Variants in TXN observed in about 807,000 individuals in gnomAD.
The protein encoded by TXN is ADF.
TXN carries 10 observed loss-of-function variants against 16.5 expected under a neutral mutation model. The ratio of observed to expected loss-of-function variants is 0.61; its 90% CI spans 0.37 to 1.03. The LOEUF (loss-of-function observed/expected upper bound fraction) is 1.03, where lower values mean the gene tolerates loss of function less well. Among genes scored for constraint, TXN ranks in the 50% least tolerant of loss-of-function variants. TXN has a pLI of 0.01. For synonymous variants in TXN, 35 were observed against 39.4 expected (o/e 0.89, Z 0.42); for missense variants, 71 against 122.5 (o/e 0.58, Z 1.98).
chr9:110,248,194 G>T (rs893474202), intron 3 of TXN, among the ~76,000 whole-genome samples: 5 of 145,814 alleles, frequency 3.4e-5, no homozygotes, highest in Non-Finnish European at 7.4e-5. Context: ...GCTGAAAAAA[G>T]AAATTTTAAA....
At position 110,256,484 on chromosome 9, in the gene TXN, A is replaced by G; in HGVS notation, c.-49T>C. On this transcript the variant is annotated 5_prime_UTR_variant, in exon 1 of 5. Transcript: ENST00000374517. This position sits in a 1 kb window ranked among gnomAD's most constrained non-coding sequence, Gnocchi z 4.2. Reference sequence around the variant, plus strand: ...CGGCTGTAAGGACCGATGGAAATGGATCCAAAGCACCAAACAGAGCTTCAA... The same window carrying G: ...CGGCTGTAAGGACCGATGGAAATGGGTCCAAAGCACCAAACAGAGCTTCAA... 6.3e-7 allele frequency: 1 copy of G among 1,584,264 alleles called. No homozygotes were observed. Among genetic ancestry groups the G allele is most frequent in the East Asian group, 2.3e-5 (1 of 43,300 alleles).
intron 1 of TXN, among the ~76,000 whole-genome samples, chr9:110,253,132 A>G (rs1264698785): frequency 4.6e-5 from 7 of 151,628 alleles, no homozygotes; most frequent in Non-Finnish European, 1.0e-4. Context: ...ATAAAAAACC[A>G]TAAGATAAAA....
At chr9:110,247,067 A>T (rs1016343064) in intron 3 of TXN, among the ~76,000 whole-genome samples, 4 of 152,204 alleles carry the variant, frequency 2.6e-5, no homozygotes, top group Admixed American at 2.6e-4. Context: ...TCATGCCTCT[A>T]ATCCCAGCAC....
At chr9:110,251,252 C>T (rs1587923663) in intron 2 of TXN, 106 bp downstream of exon 2, 5 of 813,924 alleles carry the variant, frequency 6.1e-6, no homozygotes, top group Non-Finnish European at 6.3e-6. Flanking sequence ...CAAAGAAATC[C>T]CCCCACCGAA....
rs756135473 is a variant in TXN, at chr9:110,256,378, C to A, written c.24+34G>T. 7 of 1,598,464 alleles carry A rather than the reference C, an allele frequency of 4.4e-6. No individual in the cohort carries two copies. In the East Asian group the frequency reaches 1.6e-4, roughly 36 times the overall value. On this transcript the variant is annotated intron_variant, in intron 1 of 4. Transcript: ENST00000374517. This position sits in a 1 kb window ranked among gnomAD's most constrained non-coding sequence, Gnocchi z 4.2. ...CCCCAGTTACAGAGGCCGCGCGCGG[C>A]GCCGGCACCCTGGCCTTCCCCGGTA...
chr9:110,250,734 A>T (rs1036255132), intron 3 of TXN, 86 bp downstream of exon 3: 2 of 1,042,422 alleles, frequency 1.9e-6, no homozygotes, highest in South Asian at 2.8e-5. Flanking sequence ...ATTATTTGAC[A>T]TATTTATGGA....
At chr9:110,252,223 CA>C (rs377246017) in intron 1 of TXN, among the ~76,000 whole-genome samples, 73 of 58,394 alleles carry the variant, frequency 1.3e-3, no homozygotes, top group Middle Eastern at 0.025. Flanking sequence ...GACTCTGTCG[CA>C]AAAAAAAAAA....
At chr9:110,244,730 T>C in intron 4 of TXN, 48 bp downstream of exon 4, 1 of 1,470,090 alleles carries the variant, frequency 6.8e-7, no homozygotes, top group African/African-American at 1.4e-5. Flanking sequence ...TCACTTATAC[T>C]GGGTTTCCTA....
At chr9:110,244,676 G>T in intron 4 of TXN, 102 bp downstream of exon 4, 1 of 1,017,924 alleles carries the variant, frequency 9.8e-7, no homozygotes, top group Non-Finnish European at 1.5e-6. Flanking sequence ...AGAACTTGGT[G>T]ATATGCCTCA....
intron 3 of TXN, among the ~76,000 whole-genome samples, chr9:110,248,343 C>G (rs1837683284): frequency 2.0e-5 from 3 of 152,210 alleles, no homozygotes; most frequent in African/African-American, 7.2e-5. Flanking sequence ...CTTATAAAGG[C>G]ATACCATTTT....
intron 1 of TXN, among the ~76,000 whole-genome samples, chr9:110,252,137 T>C (rs186088435): frequency 2.1e-5 from 3 of 145,578 alleles, no homozygotes; most frequent in African/African-American, 5.1e-5. Flanking sequence ...GGCAGGAGAA[T>C]AGCTTGAACT....
At chr9:110,244,641 G>T in intron 4 of TXN, 137 bp downstream of exon 4, 2 of 691,946 alleles carry the variant, frequency 2.9e-6, no homozygotes, top group Non-Finnish European at 5.1e-6. Flanking sequence ...AATGAATTTT[G>T]GCATATTTAA....
intron 3 of TXN, among the ~76,000 whole-genome samples, chr9:110,245,735 C>A (rs533145507): frequency 6.9e-6 from 1 of 144,092 alleles, no homozygotes; most frequent in South Asian, 2.2e-4. Flanking sequence ...TCAAGTGATC[C>A]ACCTTCCTCG....
chr9:110,251,586 CAAA>C lies in TXN; in HGVS notation c.25-127_25-125del, dbSNP rs5899890. On this transcript the variant is annotated intron_variant, in intron 1 of 4. Transcript: ENST00000374517. ...CTCCTTTCAGGACCTACTTTTTAGC[CAAA>C]AAAAAAAAAAAAAAAAAAAAAAAAT... 3.8e-3 allele frequency: 215 copies of C among 56,218 alleles called. No individual in the cohort carries two copies. The Middle Eastern group carries it at 0.048, about 13-fold the overall frequency. 3.5% of individuals were successfully genotyped at this position (56,218 alleles called of 1,614,324 possible). A position where few individuals can be genotyped will look rare whatever the true frequency, so the allele number is the denominator to read the frequency against.
chr9:110,251,256 C>A (rs572789048), intron 2 of TXN, 102 bp downstream of exon 2: 6 of 857,014 alleles, frequency 7.0e-6, no homozygotes, highest in African/African-American at 6.7e-5. Flanking sequence ...GAAATCCCCC[C>A]ACCGAAACCA....
intron 2 of TXN, 128 bp from the exon 3 acceptor site, chr9:110,251,007 T>A: frequency 2.9e-6 from 2 of 697,320 alleles, no homozygotes; most frequent in South Asian, 1.9e-5. Flanking sequence ...ATTTAGATCT[T>A]TGGAGACATA....
At chr9:110,251,874 G>A (rs1837742910) in intron 1 of TXN, among the ~76,000 whole-genome samples, 1 of 152,186 alleles carries the variant, frequency 6.6e-6, no homozygotes, top group African/African-American at 2.4e-5. Flanking sequence ...TTATGAAAGG[G>A]GTCACTTGAA....
intron 1 of TXN, among the ~76,000 whole-genome samples, chr9:110,253,845 C>A (rs1837772028): frequency 6.6e-6 from 1 of 151,996 alleles, no homozygotes; most frequent in Admixed American, 6.6e-5. Context: ...CTCCCAGAAA[C>A]TAACAGGATT....
chr9:110,245,627 T>C (rs1196734342), intron 3 of TXN, among the ~76,000 whole-genome samples: 824 of 20,738 alleles, frequency 0.04, 91 homozygotes, highest in South Asian at 0.047. Context: ...ACTATATATA[T>C]ATATATATAT....
Sources: allele counts gnomAD v4.1 joint callset (sites outside exome capture counted in the v4.1 genomes callset), GRCh38; gene constraint gnomAD v4.1.1; non-coding constraint Gnocchi (gnomAD v3.1); transcripts MANE v1.5; gene names NCBI Gene and HGNC (gene_info 2026-07-23, HGNC 2026-07-21).